The following PREX2 variants were observed in gnomAD, a reference collection of about 807,000 sequenced individuals.
PREX2 encodes phosphatidylinositol-3,4,5-trisphosphate dependent Rac exchange factor 2.
PREX2 carries 107 observed loss-of-function variants against 203.2 expected under a neutral mutation model. That is an observed-to-expected ratio of 0.53 (90% CI 0.45 to 0.62). The LOEUF (loss-of-function observed/expected upper bound fraction) is 0.62. Ranked by LOEUF, PREX2 falls within the 20% of genes least tolerant of loss-of-function variation. PREX2 has a pLI of 0.00. For synonymous variants in PREX2, 672 were observed against 663.6 expected, an observed-to-expected ratio of 1.01 and a Z score of -0.19; for missense variants, 1,777 against 1,955.9, an observed-to-expected ratio of 0.91 and a Z score of 1.72.
chr8:68,126,116 T>G (rs1281312834), intron 30 of PREX2, among the ~76,000 whole-genome samples: 2 of 152,154 alleles, frequency 1.3e-5, no homozygotes, highest in Non-Finnish European at 1.5e-5. Flanking sequence ...GGCTAGATTG[T>G]TAGATAATTG....
intron 35 of PREX2, among the ~76,000 whole-genome samples, chr8:68,158,631 G>A (rs529459167): frequency 1.0e-3 from 152 of 152,244 alleles, no homozygotes; most frequent in African/African-American, 3.6e-3. Context: ...GCATCTTTAT[G>A]TTAAGTTACA....
At position 68,217,696 on chromosome 8, in the gene PREX2, C is replaced by G; in HGVS notation, c.4685C>G (p.Ala1562Gly). The change falls in exon 38 of 40, where the codon GCT becomes GGT. Residue 1562 changes from alanine (A) to glycine (G), a missense_variant. Transcript: ENST00000288368. The stretch of plus-strand genomic sequence containing the variant: ...CTGCCACCTCGTTACATCATGCAGG[C>G]TACAGATGTGATGCGGAAGCAGGTA... ...HGLPPRYIMQ[A>G]TDVMRKQGAR... 6.2e-7 allele frequency: 1 copy of G among 1,613,568 alleles called. No individual in the cohort carries two copies. Among genetic ancestry groups the G allele is most frequent in the South Asian group, 1.1e-5 (1 of 91,058 alleles).
intron 34 of PREX2, among the ~76,000 whole-genome samples, chr8:68,152,434 G>A (rs894456797): frequency 2.0e-5 from 3 of 150,878 alleles, no homozygotes; most frequent in Non-Finnish European, 4.4e-5. Context: ...GAGTCTGTGG[G>A]AAGGTGTAAA....
chr8:68,095,333 C>A (rs969808732), intron 21 of PREX2, among the ~76,000 whole-genome samples: 4 of 152,094 alleles, frequency 2.6e-5, no homozygotes, highest in African/African-American at 9.7e-5. Context: ...CCCTGACAAC[C>A]AGCCCCCATC....
intron 35 of PREX2, among the ~76,000 whole-genome samples, chr8:68,185,615 G>A (rs1331203856): frequency 6.6e-6 from 1 of 152,108 alleles, no homozygotes; most frequent in Non-Finnish European, 1.5e-5. Flanking sequence ...TGCAATAAAT[G>A]CCAAGATTTC....
intron 6 of PREX2, among the ~76,000 whole-genome samples, chr8:68,033,834 T>C (rs181952935): frequency 1.9e-4 from 29 of 152,236 alleles, no homozygotes; most frequent in Non-Finnish European, 2.9e-4. Flanking sequence ...TACAATGAGT[T>C]ATAATCATCT....
chr8:68,064,160 G>C (rs1808947981), intron 11 of PREX2, among the ~76,000 whole-genome samples: 1 of 152,124 alleles, frequency 6.6e-6, no homozygotes, highest in Admixed American at 6.5e-5. Flanking sequence ...ACTTTTTGTA[G>C]TAGGAATGCT....
chr8:67,976,308 T>A (rs960577678), intron 1 of PREX2, among the ~76,000 whole-genome samples: 10 of 152,144 alleles, frequency 6.6e-5, no homozygotes, highest in African/African-American at 1.9e-4. Flanking sequence ...GCAGTGCCAC[T>A]ATTCTGAGAC....
chr8:67,997,968 T>G (rs1264057033), intron 1 of PREX2, among the ~76,000 whole-genome samples: 3 of 152,168 alleles, frequency 2.0e-5, no homozygotes, highest in Non-Finnish European at 4.4e-5. Context: ...TTAAAAAGTT[T>G]TACCTTCTAT....
intron 25 of PREX2, among the ~76,000 whole-genome samples, chr8:68,110,290 C>A (rs982784068): frequency 9.2e-5 from 14 of 152,164 alleles, no homozygotes; most frequent in African/African-American, 3.1e-4. Flanking sequence ...TAGGACGATG[C>A]TTCACATCTA....
At chr8:68,158,656 T>C (rs1811595965) in intron 35 of PREX2, among the ~76,000 whole-genome samples, 1 of 152,158 alleles carries the variant, frequency 6.6e-6, no homozygotes. Flanking sequence ...CTTATGGTGA[T>C]AGCCAGCAGT....
At chr8:68,073,279 A>G (rs766774393) in intron 14 of PREX2, among the ~76,000 whole-genome samples, 5 of 151,436 alleles carry the variant, frequency 3.3e-5, no homozygotes. Context: ...AAGAAAACTG[A>G]TACCCACTGT....
At position 68,235,321 on chromosome 8, in the gene PREX2, C is replaced by A. The variant is rs1813245718; in HGVS notation, c.*3943C>A. 6.6e-6 allele frequency: 1 copy of A among 151,930 alleles called. No individual in the cohort carries two copies. The highest frequency in any genetic ancestry group is 2.4e-5 in the African/African-American group (1 of 41,376). 9.4% of individuals were successfully genotyped at this position (151,930 alleles called of 1,614,324 possible). ...ATGCACTAGTGGTATTGAAACTAAC[C>A]TTTAATATTTGACTAAATTGCTTGT... is the stretch of plus-strand genomic sequence containing the variant. On this transcript the variant is annotated 3_prime_UTR_variant, in exon 40 of 40. Transcript: ENST00000288368.
intron 1 of PREX2, among the ~76,000 whole-genome samples, chr8:67,996,204 TA>T (rs772651881): frequency 1.7e-4 from 26 of 152,116 alleles, no homozygotes; most frequent in Non-Finnish European, 3.8e-4. Flanking sequence ...ATTTTTTATT[TA>T]TTTTTTTGGA....
intron 30 of PREX2, among the ~76,000 whole-genome samples, chr8:68,121,372 A>G (rs540003670): frequency 4.1e-4 from 63 of 152,276 alleles, no homozygotes; most frequent in African/African-American, 1.4e-3. Context: ...TGAAGGATTT[A>G]CAAAAAGGCA....
At chr8:67,984,570 G>T (rs1806360173) in intron 1 of PREX2, among the ~76,000 whole-genome samples, 1 of 152,166 alleles carries the variant, frequency 6.6e-6, no homozygotes, top group Admixed American at 6.5e-5. Context: ...ACTTCTGGTA[G>T]TTTATAAGAA....
intron 9 of PREX2, among the ~76,000 whole-genome samples, chr8:68,055,422 G>C (rs910086006): frequency 4.0e-5 from 6 of 151,810 alleles, no homozygotes; most frequent in Non-Finnish European, 8.8e-5. Flanking sequence ...CTCAGGGAGA[G>C]GTGAGGTAGG....
At chr8:68,075,700 G>A (rs1401902090) in intron 14 of PREX2, among the ~76,000 whole-genome samples, 1 of 152,182 alleles carries the variant, frequency 6.6e-6, no homozygotes, top group African/African-American at 2.4e-5. Flanking sequence ...GGCACAATAT[G>A]TAGAAAAAAT....
intron 29 of PREX2, 127 bp downstream of exon 29, chr8:68,120,413 A>G (rs1810747910): frequency 3.1e-6 from 2 of 647,420 alleles, no homozygotes; most frequent in African/African-American, 3.6e-5. Flanking sequence ...AATTCACCAA[A>G]CACTACTTCT....
Sources: gnomAD v4.1 joint callset for allele counts (sites outside exome capture counted in the v4.1 genomes callset) on GRCh38, gnomAD v4.1.1 for gene constraint, MANE v1.5 for transcripts, NCBI Gene and HGNC (gene_info 2026-07-23, HGNC 2026-07-21) for gene names.